AATK: variants seen among roughly 807,000 people sequenced by gnomAD.
The protein encoded by AATK is serine/threonine-protein kinase LMTK1.
A neutral mutation model predicts 114.3 loss-of-function variants in AATK; 91 were observed. That is an observed-to-expected ratio of 0.80 (90% CI 0.67 to 0.95). The LOEUF is 0.95. Ranked by LOEUF, AATK falls within the 40% of genes least tolerant of loss-of-function variation. The pLI is 0.00. For missense variants in AATK, 2,176 were observed against 1,965.2 expected (o/e 1.11, Z -2.03); for synonymous variants, 1,075 against 916.5 (o/e 1.17, Z -3.12).
At chr17:81,146,291 G>T (rs2061219563) in intron 1 of AATK, among the ~76,000 whole-genome samples, 1 of 150,774 alleles carries the variant, frequency 6.6e-6, no homozygotes, top group South Asian at 2.1e-4. Flanking sequence ...AGCCCAGGAG[G>T]CGGAGGTTGC....
In AATK at chr17:81,163,089, C is replaced by A. The variant is rs186290184; in HGVS notation, c.55+2849G>T. 3.2e-4 allele frequency among the ~76,000 whole-genome samples: 49 copies of A among 152,294 alleles called. No homozygotes were observed. In the East Asian group the frequency reaches 9.1e-3, roughly 28 times the overall value. ...GGGCCCCTCAGCAAACCAGAGGTGG[C>A]CCCAGGGCAAACCCCTGCTCCTAAC... On this transcript the variant is annotated intron_variant, in intron 1 of 13. Transcript: ENST00000326724.
chr17:81,130,404 G>A (rs922612707), intron 3 of AATK, among the ~76,000 whole-genome samples: 26 of 152,140 alleles, frequency 1.7e-4, no homozygotes, highest in Admixed American at 8.5e-4. Context: ...CAGCACGTCC[G>A]CCCCATGTGA....
intron 1 of AATK, among the ~76,000 whole-genome samples, chr17:81,156,343 T>A (rs945183566): frequency 6.6e-6 from 1 of 152,232 alleles, no homozygotes; most frequent in Non-Finnish European, 1.5e-5. Flanking sequence ...TTTTTATTTT[T>A]ATTGAGTTTT....
At position 81,120,509 on chromosome 17, in the gene AATK, G is replaced by A. The variant is rs1186715040; in HGVS notation, c.3427C>T (p.Leu1143Phe). Residue 1143 changes from leucine (L) to phenylalanine (F), a missense_variant, in exon 11 of 14, where the codon CTC (leucine) becomes TTC (phenylalanine). Around this residue, in one of 4 missense-constraint regions of AATK, gnomAD observed 1,701 missense variants for 1,394.7 expected, o/e 1.22. Transcript: ENST00000326724. ...MGGPGTPRAP[L>F]RLALPGLPAA... is the part of the protein sequence containing the mutation. ...GGGAGGCCGGGCAGAGCCAGGCGGAGTGGGGCTCTGGGGGTGCCTGGGCCC... is the reference window on the plus strand; with the variant it reads ...GGGAGGCCGGGCAGAGCCAGGCGGAATGGGGCTCTGGGGGTGCCTGGGCCC... 2.7e-6 allele frequency: 4 copies of A among 1,490,062 alleles called. No homozygotes were observed. Among genetic ancestry groups the A allele is most frequent in the Non-Finnish European group, 3.6e-6 (4 of 1,116,950 alleles). 92.3% of individuals were successfully genotyped at this position (1,490,062 alleles called of 1,614,324 possible). A position where few individuals can be genotyped will look rare whatever the true frequency, so the allele number is the denominator to read the frequency against.
intron 1 of AATK, among the ~76,000 whole-genome samples, chr17:81,143,539 C>G (rs545899959): frequency 4.3e-5 from 4 of 93,024 alleles, no homozygotes; most frequent in Admixed American, 1.4e-4. Context: ...GCCCCCACCC[C>G]CCGTGTCCAC....
chr17:81,126,517 G>A lies in AATK; in HGVS notation c.665C>T (p.Ser222Phe). 6.5e-7 allele frequency: 1 copy of A among 1,549,530 alleles called. No individual in the cohort carries two copies. Among genetic ancestry groups the A allele is most frequent in the Non-Finnish European group, 8.7e-7 (1 of 1,146,082 alleles). ...CAGGGTCCGGGGGTCGGGAGCCATG[G>A]ACTCCGCCACCCGGCAGCTCCGCAG... ...GYLRSCRVAE[S>F]MAPDPRTLQR... The change falls in exon 7 of 14, where the codon TCC (serine) becomes TTC (phenylalanine). Residue 222 changes from serine to phenylalanine, a missense_variant. Ser to Phe is a radical substitution (Grantham distance 155). Coordinates refer to ENST00000326724, the MANE Select transcript of AATK (RefSeq NM_001080395.3). This position sits in a 1 kb window ranked among gnomAD's most constrained non-coding sequence, Gnocchi z 5.1.
At chr17:81,134,202 G>A (rs74417709) in intron 2 of AATK, among the ~76,000 whole-genome samples, 166 bp downstream of exon 2, 2,479 of 152,308 alleles carry the variant, frequency 0.016, 73 homozygotes, top group African/African-American at 0.056. Flanking sequence ...GAGCTATGGA[G>A]TCCCTGGGCC....
rs556559993 is a variant in AATK, at chr17:81,148,105, G to A, written c.56-13604C>T. On this transcript the variant is annotated intron_variant, in intron 1 of 13. Coordinates refer to ENST00000326724, the MANE Select transcript of AATK (RefSeq NM_001080395.3). The stretch of plus-strand genomic sequence containing the variant: ...AAAAAAAAAAGAACAGAAGAAAGCT[G>A]GGAAAAAATACCCCAAAGCGTGAAG... Among the ~76,000 whole-genome samples, 8 of 148,668 alleles carry A rather than the reference G, an allele frequency of 5.4e-5. No individual in the cohort carries two copies. In the East Asian group the frequency reaches 9.8e-4, roughly 18 times the overall value.
chr17:81,136,445 A>G (rs1037573574), intron 1 of AATK, among the ~76,000 whole-genome samples: 5 of 151,520 alleles, frequency 3.3e-5, no homozygotes, highest in Admixed American at 2.0e-4. Context: ...CCATGGCCCC[A>G]TCCCTTCCCT....
intron 3 of AATK, among the ~76,000 whole-genome samples, chr17:81,129,757 G>C (rs2060901583): frequency 6.6e-6 from 1 of 152,106 alleles, no homozygotes; most frequent in Non-Finnish European, 1.5e-5. Flanking sequence ...CCCTCGGATG[G>C]TCCCTGGCAG....
chr17:81,145,972 G>A (rs1182094904), intron 1 of AATK, among the ~76,000 whole-genome samples: 7 of 151,834 alleles, frequency 4.6e-5, no homozygotes, highest in East Asian at 3.9e-4. Flanking sequence ...CGGATCACTC[G>A]AGGTGAGGAG....
rs2060835030 is a variant in AATK, at chr17:81,126,806, G to A, written c.622-246C>T. The A allele has an allele frequency of 7.3e-7, 1 of 1,361,160 alleles. No homozygotes were observed. Among genetic ancestry groups the A allele is most frequent in the South Asian group, 1.9e-5 (1 of 53,696 alleles). 84.3% of individuals were successfully genotyped at this position (1,361,160 alleles called of 1,614,324 possible). On this transcript the variant is annotated intron_variant, in intron 6 of 13. Transcript: ENST00000326724. The surrounding 1 kb of genome is among the most constrained non-coding windows in gnomAD (Gnocchi z 5.1). ...CCCCTCAGCCAGCCCCGGGCAGCAGGAGTCCCTTGGCCTGTGGTAGAGAGA... is the reference window on the plus strand; with the variant it reads ...CCCCTCAGCCAGCCCCGGGCAGCAGAAGTCCCTTGGCCTGTGGTAGAGAGA...
At chr17:81,125,814 G>A in intron 7 of AATK, 1 of 450,494 alleles carries the variant, frequency 2.2e-6, no homozygotes, top group East Asian at 7.2e-5. Flanking sequence ...GGGGTGGAGT[G>A]GGGTGGGTTG....
chr17:81,130,947 GC>G, intron 3 of AATK, 113 bp downstream of exon 3: 1 of 1,334,766 alleles, frequency 7.5e-7, no homozygotes, highest in Non-Finnish European at 1.0e-6. Context: ...GCCACTCCCA[GC>G]CCTGTGCTGC....
intron 1 of AATK, among the ~76,000 whole-genome samples, chr17:81,156,095 AATGT>A (rs942215949): frequency 1.6e-4 from 18 of 109,856 alleles, no homozygotes; most frequent in Admixed American, 6.3e-4. Context: ...TGTATGTTAC[AATGT>A]ATGTTACAAT....
intron 12 of AATK, 65 bp from the exon 13 acceptor site, chr17:81,119,645 ACAGTCACGGGCCCAGGCC>A: frequency 7.6e-7 from 1 of 1,315,848 alleles, no homozygotes; most frequent in Middle Eastern, 2.9e-4. Context: ...CCCCGCTCCC[ACAGTCACGGGCCCAGGCC>A]CCGCCTCCCA....
chr17:81,120,740 A>G lies in AATK; in HGVS notation c.3196T>C (p.Ser1066Pro). The change falls in exon 11 of 14, where the codon TCC becomes CCC. Residue 1066 changes from serine (S) to proline (P), a missense_variant. By Grantham distance (74) the Ser-to-Pro change is moderately conservative. Coordinates refer to ENST00000326724, the MANE Select transcript of AATK (RefSeq NM_001080395.3). ...GAGGGGCAGGTGCTGGGCTCTGGGG[A>G]GGACCCTTCAAGCTGCAGCAGTGGG... ...LPPLLQLEGSSPEPSTCPSGL... is the reference protein window; with the variant it reads ...LPPLLQLEGSPPEPSTCPSGL... 6.3e-7 allele frequency: 1 copy of G among 1,575,874 alleles called. No individual in the cohort carries two copies. The highest frequency in any genetic ancestry group is 2.3e-5 in the East Asian group (1 of 43,388).
intron 2 of AATK, 98 bp downstream of exon 2, chr17:81,134,270 T>C (rs1377582662): frequency 6.6e-7 from 1 of 1,510,228 alleles, no homozygotes; most frequent in African/African-American, 1.4e-5. Context: ...AGCAGCCACC[T>C]TGATGGCCCC....
intron 1 of AATK, among the ~76,000 whole-genome samples, chr17:81,138,557 C>A (rs1217030230): frequency 6.7e-6 from 1 of 148,284 alleles, no homozygotes; most frequent in African/African-American, 2.4e-5. Flanking sequence ...CACACACGTG[C>A]ACACATACCC....
Sources: gnomAD v4.1 joint callset for allele counts (sites outside exome capture counted in the v4.1 genomes callset) on GRCh38, gnomAD v4.1.1 for gene constraint, gnomAD v4.1.1 regional missense constraint, Gnocchi (gnomAD v3.1) non-coding constraint, MANE v1.5 for transcripts, NCBI Gene and HGNC (gene_info 2026-07-23, HGNC 2026-07-21) for gene names.